Variants in NUFIP2 observed in about 807,000 individuals in gnomAD.
NUFIP2 encodes FMR1-interacting protein NUFIP2.
In NUFIP2, 6 loss-of-function variants were observed where a neutral mutation model predicts 56.9. The observed-to-expected ratio is 0.11, with a 90% CI of 0.06 to 0.21. The LOEUF (loss-of-function observed/expected upper bound fraction) is 0.21, where lower values mean the gene tolerates loss of function less well. Ranked by LOEUF, NUFIP2 falls within the 10% of genes least tolerant of loss-of-function variation. The pLI is 1.00. For missense variants in NUFIP2, 828 were observed against 826.8 expected (o/e 1.00, Z -0.02); for synonymous variants, 321 against 298.2 (o/e 1.08, Z -0.79).
At chr17:29,276,667 T>G (rs1261924952) in intron 2 of NUFIP2, among the ~76,000 whole-genome samples, 1 of 152,106 alleles carries the variant, frequency 6.6e-6, no homozygotes, top group East Asian at 1.9e-4. Flanking sequence ...TTTCCATATG[T>G]TTCACTATTA....
intron 2 of NUFIP2, among the ~76,000 whole-genome samples, chr17:29,281,508 G>T (rs1056780284): frequency 6.6e-6 from 1 of 150,530 alleles, no homozygotes; most frequent in South Asian, 2.1e-4. Context: ...AAAGAGAAAA[G>T]TTAATGGCAT....
intron 2 of NUFIP2, among the ~76,000 whole-genome samples, chr17:29,274,496 T>C (rs528037958): frequency 5.6e-4 from 86 of 152,270 alleles, no homozygotes; most frequent in Admixed American, 1.5e-3. Flanking sequence ...AAAAAAAGTT[T>C]TAATTGAACA....
At chr17:29,292,092 G>A (rs1007740684) in intron 1 of NUFIP2, among the ~76,000 whole-genome samples, 1 of 152,072 alleles carries the variant, frequency 6.6e-6, no homozygotes, top group South Asian at 2.1e-4. Context: ...CTCACTTCTC[G>A]TGAAATACTT....
chr17:29,280,471 A>T (rs1598433441), intron 2 of NUFIP2, among the ~76,000 whole-genome samples: 1 of 152,200 alleles, frequency 6.6e-6, no homozygotes, highest in Non-Finnish European at 1.5e-5. Flanking sequence ...TCATGCCTGT[A>T]ATCCCAATAC....
At chr17:29,280,768 T>G (rs918859738) in intron 2 of NUFIP2, among the ~76,000 whole-genome samples, 1 of 151,816 alleles carries the variant, frequency 6.6e-6, no homozygotes, top group South Asian at 2.1e-4. Flanking sequence ...GGCGGAGAAC[T>G]TGAGGTCAAG....
rs1310951928 is a variant in NUFIP2, at chr17:29,293,994, G to A, written c.66C>T (p.His22=). The change falls in exon 1 of 4, where the codon CAC becomes CAT. Residue 22 remains histidine (H), a synonymous_variant. Transcript: ENST00000225388. ...HHHSHHHPHH[H]PQQQQQQPHH... ...GCGGCTGCTGCTGCTGCTGCTGAGG[G>A]TGATGGTGCGGATGGTGGTGGCTGT... The A allele has an allele frequency of 1.2e-6, 2 of 1,612,784 alleles. No homozygotes were observed. Among genetic ancestry groups the A allele is most frequent in the Admixed American group, 3.3e-5 (2 of 59,974 alleles).
In NUFIP2 at chr17:29,261,052, T is replaced by C. The variant is rs2068999539; in HGVS notation, c.*3487A>G. The C allele has an allele frequency of 6.6e-6, 1 of 151,938 alleles. No individual in the cohort carries two copies. Among genetic ancestry groups the C allele is most frequent in the Admixed American group, 6.6e-5 (1 of 15,236 alleles). The allele number at this position is 151,938 out of a possible 1,614,324, so 9.4% of individuals were successfully genotyped here. On this transcript the variant is annotated 3_prime_UTR_variant, in exon 4 of 4. Transcript: ENST00000225388. ...TTCAGTTCAGCAAAGTGGGGGTGAA[T>C]AAAGAGAAAGATAATACACCCTGTG...
chr17:29,270,002 G>T (rs2069062109), intron 2 of NUFIP2, among the ~76,000 whole-genome samples: 1 of 151,954 alleles, frequency 6.6e-6, no homozygotes, highest in Non-Finnish European at 1.5e-5. Flanking sequence ...TTACAGGTGT[G>T]AGCCACCGCG....
intron 2 of NUFIP2, among the ~76,000 whole-genome samples, chr17:29,281,051 T>C (rs1042080370): frequency 2.0e-5 from 3 of 150,940 alleles, no homozygotes; most frequent in Admixed American, 6.6e-5. Flanking sequence ...TCCTAGCACT[T>C]TGGGAGGCTG....
chr17:29,290,044 A>T (rs905632919), intron 1 of NUFIP2, among the ~76,000 whole-genome samples: 5 of 152,070 alleles, frequency 3.3e-5, no homozygotes, highest in Admixed American at 2.6e-4. Context: ...CCTCCAGAGT[A>T]GCTGGGATTA....
intron 2 of NUFIP2, among the ~76,000 whole-genome samples, chr17:29,273,497 T>TACACACACACACAC (rs61077728): frequency 1.3e-4 from 19 of 149,066 alleles, no homozygotes; most frequent in African/African-American, 4.6e-4. Context: ...TGCTCTCTTC[T>TACACACACACACAC]ACACACACAC....
intron 2 of NUFIP2, among the ~76,000 whole-genome samples, chr17:29,269,700 A>G (rs1406448936): frequency 6.6e-6 from 1 of 151,694 alleles, no homozygotes; most frequent in East Asian, 1.9e-4. Flanking sequence ...AGGCTGGTCT[A>G]TTGGGCTCAA....
chr17:29,283,415 G>A (rs985050255), intron 2 of NUFIP2, among the ~76,000 whole-genome samples: 3 of 152,126 alleles, frequency 2.0e-5, no homozygotes, highest in African/African-American at 7.2e-5. Context: ...ATAGCTCACT[G>A]CAGACCTGGA....
At chr17:29,271,548 AAG>A (rs2069072605) in intron 2 of NUFIP2, among the ~76,000 whole-genome samples, 1 of 151,986 alleles carries the variant, frequency 6.6e-6, no homozygotes, top group Admixed American at 6.5e-5. Context: ...AAAAAAAAAA[AAG>A]AAAAGTAAAG....
intron 1 of NUFIP2, among the ~76,000 whole-genome samples, chr17:29,290,771 G>C (rs747191218): frequency 6.6e-5 from 10 of 151,840 alleles, no homozygotes; most frequent in Non-Finnish European, 1.2e-4. Context: ...CTCTGGATAA[G>C]ACCTACCTGT....
chr17:29,280,783 C>T (rs2069134849), intron 2 of NUFIP2, among the ~76,000 whole-genome samples: 1 of 152,038 alleles, frequency 6.6e-6, no homozygotes, highest in African/African-American at 2.4e-5. Flanking sequence ...GTCAAGAGTT[C>T]AAGACCAGTC....
intron 2 of NUFIP2, among the ~76,000 whole-genome samples, chr17:29,276,119 T>G (rs1483267081): frequency 6.6e-6 from 1 of 151,838 alleles, no homozygotes; most frequent in East Asian, 1.9e-4. Context: ...CTACTAGCAC[T>G]GTGAAATTGA....
At chr17:29,277,970 C>T (rs1347801636) in intron 2 of NUFIP2, among the ~76,000 whole-genome samples, 1 of 152,122 alleles carries the variant, frequency 6.6e-6, no homozygotes, top group East Asian at 1.9e-4. Context: ...CGAGATCGCG[C>T]CACTGGACTC....
intron 1 of NUFIP2, among the ~76,000 whole-genome samples, chr17:29,293,129 C>A (rs1410726347): frequency 2.6e-5 from 4 of 150,992 alleles, no homozygotes; most frequent in Admixed American, 6.6e-5. Flanking sequence ...GGAGCGGGCG[C>A]GGGGCGCCGG....
Sources: allele counts gnomAD v4.1 joint callset (sites outside exome capture counted in the v4.1 genomes callset), GRCh38; gene constraint gnomAD v4.1.1; transcripts MANE v1.5; gene names NCBI Gene and HGNC (gene_info 2026-07-23, HGNC 2026-07-21).